Variants in EFCAB6 observed in about 807,000 individuals in gnomAD.
EFCAB6 encodes EF-hand calcium binding domain 6, also known as EF-hand calcium-binding domain-containing protein 6.
Under a neutral mutation model 169.8 loss-of-function variants are expected in EFCAB6, and 156 were observed. The ratio of observed to expected loss-of-function variants is 0.92; its 90% CI spans 0.81 to 1.05. The LOEUF is 1.05. Ranked by LOEUF, EFCAB6 falls within the 50% of genes least tolerant of loss-of-function variation. The probability of loss-of-function intolerance (pLI) is 0.00; values close to 1 mark genes in which losing one functional copy is unlikely to be tolerated. For synonymous variants in EFCAB6, 698 were observed against 676.4 expected (o/e 1.03, Z -0.50); for missense variants, 1,800 against 1,829.1 (o/e 0.98, Z 0.29).
At chr22:43,765,932 G>A (rs1294162742) in intron 4 of EFCAB6, among the ~76,000 whole-genome samples, 1 of 152,198 alleles carries the variant, frequency 6.6e-6, no homozygotes, top group Non-Finnish European at 1.5e-5. Context: ...ATTGATAGGT[G>A]CACTGTGATT....
At chr22:43,794,505 A>G (rs886985609) in intron 2 of EFCAB6, among the ~76,000 whole-genome samples, 5 of 152,190 alleles carry the variant, frequency 3.3e-5, no homozygotes, top group African/African-American at 1.2e-4. Context: ...GCCTACATGC[A>G]TGTGAGTGAT....
At chr22:43,701,245 C>T (rs2058754413) in intron 10 of EFCAB6, among the ~76,000 whole-genome samples, 1 of 152,190 alleles carries the variant, frequency 6.6e-6, no homozygotes, top group Non-Finnish European at 1.5e-5. Flanking sequence ...GTACCACTCA[C>T]TGCACAGCAC....
At chr22:43,618,796 G>T (rs1184639312) in intron 20 of EFCAB6, among the ~76,000 whole-genome samples, 1 of 152,168 alleles carries the variant, frequency 6.6e-6, no homozygotes, top group East Asian at 1.9e-4. Context: ...TTTTGTAATG[G>T]TGCCAACGAT....
At position 43,782,255 on chromosome 22, in the gene EFCAB6, G is replaced by T. The variant is rs1437095203; in HGVS notation, c.64C>A (p.His22Asn). ...CACGGTGAAGAATGGGGTCTTGAAT[G>T]TGTAAATTTTCGTGTGTGAGGATGC... ...RSHPHTRKFT[H>N]SRPHSSPCRV... is the part of the protein sequence containing the mutation. The change falls in exon 3 of 32, where the codon CAT (histidine) becomes AAT (asparagine). Residue 22 changes from histidine to asparagine, a missense_variant. By Grantham distance (68) the His-to-Asn change is moderately conservative. Coordinates refer to ENST00000262726, the MANE Select transcript of EFCAB6 (RefSeq NM_022785.4). 4 of 1,613,912 alleles carry T rather than the reference G, an allele frequency of 2.5e-6. No homozygotes were observed. In the African/African-American group the frequency reaches 5.3e-5, roughly 22 times the overall value.
chr22:43,751,880 C>T (rs1340902838), intron 6 of EFCAB6, among the ~76,000 whole-genome samples: 1 of 152,196 alleles, frequency 6.6e-6, no homozygotes, highest in African/African-American at 2.4e-5. Flanking sequence ...ACGGCACCTG[C>T]CTCATGGGGT....
At chr22:43,605,706 C>A (rs2052870721) in intron 22 of EFCAB6, among the ~76,000 whole-genome samples, 1 of 152,022 alleles carries the variant, frequency 6.6e-6, no homozygotes, top group Non-Finnish European at 1.5e-5. Context: ...GTGACAGCTG[C>A]ACTGCATGAT....
At chr22:43,801,842 T>C (rs1338809891) in intron 2 of EFCAB6, among the ~76,000 whole-genome samples, 1 of 152,058 alleles carries the variant, frequency 6.6e-6, no homozygotes, top group African/African-American at 2.4e-5. Context: ...AGCAACAAAA[T>C]GGCAACAGTA....
chr22:43,590,185 G>T lies in EFCAB6; in HGVS notation c.2921C>A (p.Thr974Asn). 1 of 1,614,086 alleles carries T rather than the reference G, an allele frequency of 6.2e-7. No homozygotes were observed. The highest frequency in any genetic ancestry group is 2.2e-5 in the East Asian group (1 of 44,880). The change falls in exon 24 of 32, where the codon ACC becomes AAC. Residue 974 changes from threonine (T) to asparagine (N), a missense_variant. Thr to Asn is a moderately conservative substitution (Grantham distance 65, BLOSUM62 0). Coordinates refer to ENST00000262726, the MANE Select transcript of EFCAB6 (RefSeq NM_022785.4). ...DRHQDISKAF[T>N]KTDQSKTNYI... ...GTTGGTTTTGGATTGATCAGTTTTG[G>T]TGAATGCTTTGCTGATATCTTGATG...
intron 26 of EFCAB6, among the ~76,000 whole-genome samples, chr22:43,567,405 T>C (rs2049515718): frequency 6.6e-6 from 1 of 152,212 alleles, no homozygotes; most frequent in African/African-American, 2.4e-5. Flanking sequence ...ATAAATTCTA[T>C]GCCACTTAAT....
At chr22:43,697,428 A>G (rs925004248) in intron 10 of EFCAB6, among the ~76,000 whole-genome samples, 2 of 152,214 alleles carry the variant, frequency 1.3e-5, no homozygotes, top group Non-Finnish European at 2.9e-5. Context: ...ACATACACGC[A>G]CAAAAGAAAT....
At chr22:43,765,972 C>T (rs2061314824) in intron 4 of EFCAB6, among the ~76,000 whole-genome samples, 1 of 152,156 alleles carries the variant, frequency 6.6e-6, no homozygotes, top group African/African-American at 2.4e-5. Flanking sequence ...AGGAAATGTA[C>T]ACTGATGTTT....
chr22:43,631,361 G>T (rs1293321393), intron 19 of EFCAB6, among the ~76,000 whole-genome samples: 1 of 151,856 alleles, frequency 6.6e-6, no homozygotes, highest in East Asian at 1.9e-4. Flanking sequence ...AATGGCTGCT[G>T]TCTACTTCTG....
chr22:43,561,365 A>T (rs2049022450), intron 26 of EFCAB6, among the ~76,000 whole-genome samples: 1 of 151,868 alleles, frequency 6.6e-6, no homozygotes. Flanking sequence ...TCAAAAAAAA[A>T]AAAAGAAAGA....
chr22:43,604,926 C>T (rs575958219), intron 22 of EFCAB6, among the ~76,000 whole-genome samples: 283 of 152,312 alleles, frequency 1.9e-3, no homozygotes, highest in Middle Eastern at 0.014. Context: ...TTTTCCTACT[C>T]GGGTCGGCCC....
intron 13 of EFCAB6, among the ~76,000 whole-genome samples, chr22:43,673,763 G>A (rs2057598537): frequency 6.6e-6 from 1 of 151,878 alleles, no homozygotes; most frequent in Admixed American, 6.6e-5. Flanking sequence ...CTGAGCAATA[G>A]AGTGAGACTC....
At chr22:43,694,152 T>G (rs1036958225) in intron 10 of EFCAB6, among the ~76,000 whole-genome samples, 2 of 151,780 alleles carry the variant, frequency 1.3e-5, no homozygotes, top group Non-Finnish European at 2.9e-5. Flanking sequence ...CTTAAAAACA[T>G]GTTATATAAT....
intron 6 of EFCAB6, among the ~76,000 whole-genome samples, chr22:43,740,283 G>A (rs1051856879): frequency 3.0e-4 from 46 of 152,044 alleles, no homozygotes; most frequent in African/African-American, 1.0e-3. Context: ...TTTATGGTCC[G>A]TCTCCCCCTC....
At chr22:43,552,157 T>C (rs2048420092) in intron 27 of EFCAB6, 1 of 152,174 alleles carries the variant, frequency 6.6e-6, no homozygotes, top group Non-Finnish European at 1.5e-5. Flanking sequence ...GGCTGCATAG[T>C]ATTCCACGGT....
intron 8 of EFCAB6, among the ~76,000 whole-genome samples, chr22:43,724,334 G>A (rs2059642684): frequency 6.6e-6 from 1 of 150,460 alleles, no homozygotes; most frequent in Non-Finnish European, 1.5e-5. Context: ...TGTCAGAATG[G>A]TCTTTACTGT....
Sources: gnomAD v4.1 joint callset for allele counts (sites outside exome capture counted in the v4.1 genomes callset) on GRCh38, gnomAD v4.1.1 for gene constraint, MANE v1.5 for transcripts, NCBI Gene and HGNC (gene_info 2026-07-23, HGNC 2026-07-21) for gene names.